Variants in IL17D observed in about 807,000 individuals in gnomAD.
IL17D encodes interleukin-17D.
In IL17D, 10 loss-of-function variants were observed where a neutral mutation model predicts 5.7. That is an observed-to-expected ratio of 1.75 (90% CI 1.08 to 2.97). The LOEUF (loss-of-function observed/expected upper bound fraction) is 2.97. IL17D is among the 30% of genes most tolerant of loss of function. IL17D has a pLI of 0.00. For synonymous variants in IL17D, 172 were observed against 141.7 expected, an observed-to-expected ratio of 1.21 and a Z score of -1.52; for missense variants, 354 against 292.7, an observed-to-expected ratio of 1.21 and a Z score of -1.53.
Position 20,704,244 on chromosome 13 carries a change from C to A in IL17D, c.243C>A (p.Arg81=). ...CPAGGRPADR[R]FRPPTNLRSV... Reference sequence around the variant, plus strand: ...CAGGGGGCAGGCCCGCCGACCGCCGCTTCCGGCCGCCCACCAACCTGCGCA... The same window carrying A: ...CAGGGGGCAGGCCCGCCGACCGCCGATTCCGGCCGCCCACCAACCTGCGCA... The change falls in exon 1 of 2, where the codon CGC becomes CGA. Residue 81 remains arginine, a synonymous_variant. Coordinates refer to ENST00000682841, the MANE Select transcript of IL17D (RefSeq NM_001385224.1). 6.1e-6 allele frequency: 8 copies of A among 1,306,064 alleles called. No individual in the cohort carries two copies. The highest frequency in any genetic ancestry group is 7.8e-6 in the Non-Finnish European group (8 of 1,028,480). 80.9% of individuals were successfully genotyped at this position (1,306,064 alleles called of 1,614,324 possible). A position where few individuals can be genotyped will look rare whatever the true frequency, so the allele number is the denominator to read the frequency against.
At chr13:20,703,124 G>A, upstream of IL17D, 1 of 227,526 alleles carries the variant, frequency 4.4e-6, no homozygotes, top group Non-Finnish European at 7.3e-6. Context: ...GGCAGGGCCA[G>A]CCCTCTCCTC....
Position 20,709,032 on chromosome 13 carries a change from G to A in IL17D, c.290+4741G>A, listed in dbSNP as rs765542592. Among the ~76,000 whole-genome samples the A allele has an allele frequency of 2.0e-5, 3 of 151,530 alleles. No individual in the cohort carries two copies. In the South Asian group the frequency reaches 6.2e-4, roughly 32 times the overall value. Reference sequence around the variant, plus strand: ...CATCATGGAAAGATGAGCAAAGATCGGGACTGTTCCCGGGGAAGGAAGGTC... The same window carrying A: ...CATCATGGAAAGATGAGCAAAGATCAGGACTGTTCCCGGGGAAGGAAGGTC... On this transcript the variant is annotated intron_variant, in intron 1 of 1. Transcript: ENST00000682841.
chr13:20,710,451 T>TAAAAAAA (rs60458842), intron 1 of IL17D, among the ~76,000 whole-genome samples: 15 of 83,464 alleles, frequency 1.8e-4, no homozygotes, highest in African/African-American at 2.3e-4. Flanking sequence ...CCATCTCTAC[T>TAAAAAAA]AAAAAAAAAA....
rs772975503 is a variant in IL17D at position 20,721,988 on chromosome 13, G to C, written c.*34G>C. ...CTGCCCCGGGAGGTCTCCCCGGCCC[G>C]CATCCCGAGGCGCCCAAGCTGGAGC... is the stretch of plus-strand genomic sequence containing the variant. On this transcript the variant is annotated 3_prime_UTR_variant, in exon 2 of 2. Transcript: ENST00000682841. 6.6e-7 allele frequency: 1 copy of C among 1,505,724 alleles called. No homozygotes were observed. Among genetic ancestry groups the C allele is most frequent in the South Asian group, 1.3e-5 (1 of 77,596 alleles). 93.3% of individuals were successfully genotyped at this position (1,505,724 alleles called of 1,614,324 possible). A position where few individuals can be genotyped will look rare whatever the true frequency, so the allele number is the denominator to read the frequency against.
chr13:20,716,210 G>C lies in IL17D; in HGVS notation c.291-5426G>C. 1 of 452,554 alleles carries C rather than the reference G, an allele frequency of 2.2e-6. No homozygotes were observed. Among genetic ancestry groups the C allele is most frequent in the Non-Finnish European group, 2.9e-6 (1 of 342,924 alleles). 28.0% of individuals were successfully genotyped at this position (452,554 alleles called of 1,614,324 possible). A position where few individuals can be genotyped will look rare whatever the true frequency, so the allele number is the denominator to read the frequency against. ...ATGTCCCTCAGTGTCCCCAGAGGAC[G>C]GCGGATGTCTTGGTATTACCATGGT... On this transcript the variant is annotated intron_variant, in intron 1 of 1. Coordinates refer to ENST00000682841, the MANE Select transcript of IL17D (RefSeq NM_001385224.1). This position sits in a 1 kb window ranked among gnomAD's most constrained non-coding sequence, Gnocchi z 4.2.
In IL17D at chr13:20,704,076, C is replaced by G; in HGVS notation, c.75C>G (p.Pro25=). 1.8e-6 allele frequency: 2 copies of G among 1,114,064 alleles called. No individual in the cohort carries two copies. The highest frequency in any genetic ancestry group is 2.2e-6 in the Non-Finnish European group (2 of 917,736). The allele number at this position is 1,114,064 out of a possible 1,614,324, so 69.0% of individuals were successfully genotyped here. ...GCGCCCCGAGGGCGGGCAGGCGCCC[C>G]GCGCGGCCGCGGGGCTGCGCGGACC... ...AAGAPRAGRR[P]ARPRGCADRP... The change falls in exon 1 of 2, where the codon CCC becomes CCG. Residue 25 remains proline, a synonymous_variant. Transcript: ENST00000682841.
At position 20,722,277 on chromosome 13, in the gene IL17D, C is replaced by T; in HGVS notation, c.*323C>T. Reference sequence around the variant, plus strand: ...GAGGAGCCTCTCAGATCGGCTGCTGCGGGTGCAGGGCGTGACTCACCGCTG... The same window carrying T: ...GAGGAGCCTCTCAGATCGGCTGCTGTGGGTGCAGGGCGTGACTCACCGCTG... On this transcript the variant is annotated 3_prime_UTR_variant, in exon 2 of 2. Transcript: ENST00000682841. 3.0e-6 allele frequency: 1 copy of T among 332,888 alleles called. No homozygotes were observed. The allele number at this position is 332,888 out of a possible 1,614,324, so 20.6% of individuals were successfully genotyped here.
chr13:20,720,686 A>G (rs547296700), intron 1 of IL17D, among the ~76,000 whole-genome samples: 2 of 152,236 alleles, frequency 1.3e-5, no homozygotes, highest in African/African-American at 4.8e-5. Context: ...CCTTGGAGTC[A>G]TTGCTGACTT....
rs781348789 is a variant in IL17D at position 20,721,585 on chromosome 13, C to T, written c.291-51C>T. The T allele has an allele frequency of 4.1e-6, 6 of 1,471,516 alleles. No homozygotes were observed. In the East Asian group the frequency reaches 1.2e-4, roughly 29 times the overall value. 91.2% of individuals were successfully genotyped at this position (1,471,516 alleles called of 1,614,324 possible). On this transcript the variant is annotated intron_variant, in intron 1 of 1. Transcript: ENST00000682841. ...GACTCTAACCAGGGATTTCAGCGCG[C>T]GGCGCGGGGCTGCCCCCAGGCGTGA...
At chr13:20,719,241 G>T (rs544010655) in intron 1 of IL17D, among the ~76,000 whole-genome samples, 1 of 122,810 alleles carries the variant, frequency 8.1e-6, no homozygotes, top group Non-Finnish European at 1.7e-5. Flanking sequence ...ATGCTTACAC[G>T]CACCTGCCCA....
upstream of IL17D, chr13:20,702,674 G>A (rs1228825444): frequency 6.6e-6 from 1 of 152,118 alleles, no homozygotes; most frequent in African/African-American, 2.4e-5. Flanking sequence ...TTAGAACTGA[G>A]TTATCACGGA....
rs1015152676 is a variant in IL17D, at chr13:20,716,914, C to A, written c.291-4722C>A. Among the ~76,000 whole-genome samples the A allele has an allele frequency of 6.6e-6, 1 of 152,204 alleles. No homozygotes were observed. Among genetic ancestry groups the A allele is most frequent in the Admixed American group, 6.5e-5 (1 of 15,288 alleles). On this transcript the variant is annotated intron_variant, in intron 1 of 1. Coordinates refer to ENST00000682841, the MANE Select transcript of IL17D (RefSeq NM_001385224.1). The surrounding 1 kb of genome is among the most constrained non-coding windows in gnomAD (Gnocchi z 4.2). ...GGTGAGCCACATCAAGGCGCGTGTG[C>A]CAACCAGCGCCCCAGCTATCCTTGG...
intron 1 of IL17D, among the ~76,000 whole-genome samples, chr13:20,708,263 G>A (rs1260859434): frequency 6.6e-6 from 1 of 152,214 alleles, no homozygotes; most frequent in Non-Finnish European, 1.5e-5. Context: ...GAGATGGACT[G>A]AACGTCAGGA....
At chr13:20,709,500 G>A (rs1328788545) in intron 1 of IL17D, among the ~76,000 whole-genome samples, 3 of 152,138 alleles carry the variant, frequency 2.0e-5, no homozygotes, top group African/African-American at 2.4e-5. Context: ...AATACAAAGC[G>A]GGGAAAGGGG....
Position 20,721,864 on chromosome 13 carries a change from G to A in IL17D, c.519G>A (p.Pro173=), listed in dbSNP as rs1354775544. The stretch of plus-strand genomic sequence containing the variant: ...TGGGCTGCACCTGCGTCCCCGAGCC[G>A]GAGAAGGACGCAGACAGCATCAACT... ...IPVGCTCVPE[P]EKDADSINSS... Residue 173 remains proline, a synonymous_variant, in exon 2 of 2, where the codon CCG becomes CCA. Transcript: ENST00000682841. The A allele has an allele frequency of 5.6e-6, 9 of 1,610,390 alleles. No individual in the cohort carries two copies. Among genetic ancestry groups the A allele is most frequent in the Non-Finnish European group, 6.8e-6 (8 of 1,179,764 alleles).
Position 20,721,817 on chromosome 13 carries a change from G to A in IL17D, c.472G>A (p.Glu158Lys). 6.2e-7 allele frequency: 1 copy of A among 1,610,342 alleles called. No homozygotes were observed. The highest frequency in any genetic ancestry group is 8.5e-7 in the Non-Finnish European group (1 of 1,179,798). The change falls in exon 2 of 2, where the codon GAG becomes AAG. Residue 158 changes from glutamate to lysine, a missense_variant. Coordinates refer to ENST00000682841, the MANE Select transcript of IL17D (RefSeq NM_001385224.1). ...ACAGGRSVYT[E>K]AYVTIPVGCT... The stretch of plus-strand genomic sequence containing the variant: ...CGCCGGCGGCCGTTCCGTCTACACC[G>A]AGGCCTACGTCACCATCCCCGTGGG...
chr13:20,722,289 G>T lies in IL17D; in HGVS notation c.*335G>T. 3.1e-6 allele frequency: 1 copy of T among 320,862 alleles called. No homozygotes were observed. The highest frequency in any genetic ancestry group is 5.7e-5 in the East Asian group (1 of 17,398). The allele number at this position is 320,862 out of a possible 1,614,324, so 19.9% of individuals were successfully genotyped here. A position where few individuals can be genotyped will look rare whatever the true frequency, so the allele number is the denominator to read the frequency against. ...AGATCGGCTGCTGCGGGTGCAGGGC[G>T]TGACTCACCGCTGGGTGCTTGCCAA... On this transcript the variant is annotated 3_prime_UTR_variant, in exon 2 of 2. Coordinates refer to ENST00000682841, the MANE Select transcript of IL17D (RefSeq NM_001385224.1).
At chr13:20,720,874 A>ACCCCCCCCCCCCCCCCCCCCC (rs67735251) in intron 1 of IL17D, among the ~76,000 whole-genome samples, 9 of 75,748 alleles carry the variant, frequency 1.2e-4, no homozygotes, top group South Asian at 5.3e-4. Context: ...CTCCCTCCCA[A>ACCCCCCCCCCCCCCCCCCCCC]CCCCCCCCCC....
Position 20,703,959 on chromosome 13 carries a change from C to T in IL17D, c.-43C>T. On this transcript the variant is annotated 5_prime_UTR_variant, in exon 1 of 2. Coordinates refer to ENST00000682841, the MANE Select transcript of IL17D (RefSeq NM_001385224.1). ...GGCGCGGGGCGCAGGCGGGCTCCTCCGGCGCGTGCGGACGCTGAGCGTGGC... is the reference window on the plus strand; with the variant it reads ...GGCGCGGGGCGCAGGCGGGCTCCTCTGGCGCGTGCGGACGCTGAGCGTGGC... 1.0e-6 allele frequency: 1 copy of T among 990,892 alleles called. No homozygotes were observed. The highest frequency in any genetic ancestry group is 1.2e-6 in the Non-Finnish European group (1 of 833,226). 61.4% of individuals were successfully genotyped at this position (990,892 alleles called of 1,614,324 possible).
Sources: allele counts gnomAD v4.1 joint callset (sites outside exome capture counted in the v4.1 genomes callset), GRCh38; gene constraint gnomAD v4.1.1; non-coding constraint Gnocchi (gnomAD v3.1); transcripts MANE v1.5; gene names NCBI Gene and HGNC (gene_info 2026-07-23, HGNC 2026-07-21).